The following ZNF33B variants were observed in gnomAD, a reference collection of about 807,000 sequenced individuals.
ZNF33B encodes the protein zinc finger protein 11b (KOX 2).
In ZNF33B, 29 loss-of-function variants were observed where a neutral mutation model predicts 45.8. The ratio of observed to expected loss-of-function variants is 0.63; its 90% CI spans 0.47 to 0.86. ZNF33B has a LOEUF of 0.86. ZNF33B is among the 40% of genes least tolerant of loss of function. The probability of loss-of-function intolerance (pLI) is 0.00; values close to 1 mark genes in which losing one functional copy is unlikely to be tolerated. For synonymous variants in ZNF33B, 305 were observed against 307.8 expected, an observed-to-expected ratio of 0.99 and a Z score of 0.10; for missense variants, 831 against 909.9, an observed-to-expected ratio of 0.91 and a Z score of 1.12.
intron 2 of ZNF33B, among the ~76,000 whole-genome samples, chr10:42,633,380 T>C (rs897447799): frequency 4.6e-5 from 7 of 152,188 alleles, no homozygotes; most frequent in African/African-American, 1.7e-4. Context: ...TGTGAGCATA[T>C]ACTGCAATTA....
intron 4 of ZNF33B, among the ~76,000 whole-genome samples, chr10:42,627,110 T>G (rs1838844501): frequency 6.6e-6 from 1 of 152,056 alleles, no homozygotes; most frequent in Non-Finnish European, 1.5e-5. Flanking sequence ...TTCAAGCCAT[T>G]CTCCTGCCTC....
intron 4 of ZNF33B, among the ~76,000 whole-genome samples, chr10:42,620,423 G>A (rs1464127250): frequency 6.6e-6 from 1 of 151,958 alleles, no homozygotes; most frequent in East Asian, 1.9e-4. Context: ...TTATTTTTTA[G>A]ACAGGGTCTT....
At chr10:42,583,119 G>A in intron 1 of ZNF33B, 1 of 780,572 alleles carries the variant, frequency 1.3e-6, no homozygotes. Flanking sequence ...GAACACCTCA[G>A]GGGCCTGGGA....
intron 1 of ZNF33B, among the ~76,000 whole-genome samples, chr10:42,577,263 G>A (rs1290370853): frequency 6.6e-6 from 1 of 151,504 alleles, no homozygotes; most frequent in Non-Finnish European, 1.5e-5. Context: ...CCCAAACCTC[G>A]ACCTCCCCTC....
intron 4 of ZNF33B, among the ~76,000 whole-genome samples, chr10:42,617,200 C>G (rs1838365274): frequency 1.5e-5 from 2 of 135,592 alleles, no homozygotes; most frequent in Non-Finnish European, 1.5e-5. Flanking sequence ...ACCTCCTGGG[C>G]TTAAGCGATC....
At chr10:42,631,001 G>A (rs908459770) in intron 4 of ZNF33B, among the ~76,000 whole-genome samples, 3 of 152,064 alleles carry the variant, frequency 2.0e-5, no homozygotes, top group African/African-American at 4.8e-5. Context: ...GCTGAAAAGA[G>A]GCAGAATCCT....
Position 42,583,756 on chromosome 10 carries a change from A to G in ZNF33B, c.74-9078T>C, listed in dbSNP as rs113412012. On this transcript the variant is annotated intron_variant, in intron 1 of 1. Coordinates refer to the ZNF33B transcript ENST00000462075. ...TTAACTCGTCCATATTTTGCAGACT[A>G]AATGTACAGACAGAATCACCGAGAT... Among the ~76,000 whole-genome samples, 1,302 of 152,234 alleles carry G rather than the reference A, an allele frequency of 8.6e-3. 14 individuals carry two copies. The highest frequency in any genetic ancestry group is 0.03 in the African/African-American group (1,226 of 41,522).
At chr10:42,621,740 C>T (rs1040486613) in intron 4 of ZNF33B, among the ~76,000 whole-genome samples, 1 of 152,140 alleles carries the variant, frequency 6.6e-6, no homozygotes, top group African/African-American at 2.4e-5. Context: ...AAATTCACAG[C>T]TTTACATCAT....
rs188230274 is a variant in ZNF33B at position 42,638,521 on chromosome 10, C to T, written c.-92G>A. On this transcript the variant is annotated 5_prime_UTR_variant, in exon 1 of 5. Coordinates refer to ENST00000359467, the MANE Select transcript of ZNF33B (RefSeq NM_006955.3). ...TTCGCCATAAGAGAGCCGGTAGACC[C>T]CTGAAATCCCGGGACCGCCTCCCAC... 3.1e-5 allele frequency: 15 copies of T among 483,874 alleles called. No individual in the cohort carries two copies. In the East Asian group the frequency reaches 8.5e-4, roughly 27 times the overall value. The allele number at this position is 483,874 out of a possible 1,614,324, so 30.0% of individuals were successfully genotyped here. A position where few individuals can be genotyped will look rare whatever the true frequency, so the allele number is the denominator to read the frequency against.
intron 4 of ZNF33B, among the ~76,000 whole-genome samples, chr10:42,623,954 A>C (rs1168813424): frequency 2.7e-5 from 4 of 147,228 alleles, no homozygotes; most frequent in Non-Finnish European, 4.4e-5. Context: ...TTCAGCTGCC[A>C]TAACAAAATA....
At chr10:42,588,327 G>A (rs1836978900), downstream of ZNF33B, among the ~76,000 whole-genome samples, 1 of 152,224 alleles carries the variant, frequency 6.6e-6, no homozygotes, top group African/African-American at 2.4e-5. Context: ...GTGCATTACA[G>A]CACAGGCCAA....
At chr10:42,638,265 C>G (rs554424996) in intron 1 of ZNF33B, among the ~76,000 whole-genome samples, 3 of 152,258 alleles carry the variant, frequency 2.0e-5, no homozygotes, top group Admixed American at 6.5e-5. Context: ...AACAGGGCAA[C>G]GCACAGGGCG....
At chr10:42,619,562 A>C (rs1838481953) in intron 4 of ZNF33B, among the ~76,000 whole-genome samples, 1 of 152,226 alleles carries the variant, frequency 6.6e-6, no homozygotes, top group Non-Finnish European at 1.5e-5. Context: ...GACTTCCAAT[A>C]AAGTTAACTA....
Position 42,594,117 on chromosome 10 carries a change from C to G in ZNF33B, c.833G>C (p.Ser278Thr), listed in dbSNP as rs760740274. The G allele has an allele frequency of 6.2e-7, 1 of 1,613,980 alleles. No individual in the cohort carries two copies. Among genetic ancestry groups the G allele is most frequent in the Non-Finnish European group, 8.5e-7 (1 of 1,179,954 alleles). Reference protein sequence around the residue: ...PPSKDSHYEFSDCEKFLCVKS... With the variant: ...PPSKDSHYEFTDCEKFLCVKS... ...CACACATAAGAACTTCTCACAATCA[C>G]TAAATTCATAGTGACTGTCCTTTGA... The change falls in exon 5 of 5, where the codon AGT becomes ACT. Residue 278 changes from serine to threonine, a missense_variant. Transcript: ENST00000359467.
chr10:42,617,128 A>G (rs1257788593), intron 4 of ZNF33B, among the ~76,000 whole-genome samples: 1 of 107,172 alleles, frequency 9.3e-6, no homozygotes, highest in Non-Finnish European at 1.8e-5. Flanking sequence ...TTTTGAGGCA[A>G]GGTCTCACTC....
Position 42,591,219 on chromosome 10 carries a change from A to G in ZNF33B, c.*1394T>C. 1.1e-6 allele frequency: 1 copy of G among 890,370 alleles called. No individual in the cohort carries two copies. The highest frequency in any genetic ancestry group is 1.3e-6 in the Non-Finnish European group (1 of 743,808). 55.2% of individuals were successfully genotyped at this position (890,370 alleles called of 1,614,324 possible). ...AAATGACAGTCCAACAGCCCTGGGC[A>G]GCAACTGGGCTGTATGTGTGGGCCT... On this transcript the variant is annotated 3_prime_UTR_variant, in exon 5 of 5. Transcript: ENST00000359467.
rs1287749510 is a variant in ZNF33B at position 42,625,178 on chromosome 10, C to A, written c.250+6751G>T. 7.9e-5 allele frequency among the ~76,000 whole-genome samples: 12 copies of A among 152,044 alleles called. No homozygotes were observed. The East Asian group carries it at 1.4e-3, about 17-fold the overall frequency. On this transcript the variant is annotated intron_variant, in intron 4 of 4. Transcript: ENST00000359467. ...TGTAGGTCAATTTGGAGAGAACTGG[C>A]CTACTTACAAAGTTGAGTTTCCCAA...
intron 4 of ZNF33B, among the ~76,000 whole-genome samples, chr10:42,625,985 T>C (rs978008127): frequency 6.6e-6 from 1 of 152,270 alleles, no homozygotes; most frequent in Non-Finnish European, 1.5e-5. Flanking sequence ...AGAAAACATT[T>C]CATCTTACCA....
intron 1 of ZNF33B, among the ~76,000 whole-genome samples, chr10:42,581,067 C>A (rs1459914841): frequency 6.6e-6 from 1 of 152,092 alleles, no homozygotes; most frequent in Non-Finnish European, 1.5e-5. Context: ...ATATCAAATG[C>A]TATAATCCTG....
Sources: gnomAD v4.1 joint callset for allele counts (sites outside exome capture counted in the v4.1 genomes callset) on GRCh38, gnomAD v4.1.1 for gene constraint, MANE v1.5 for transcripts, NCBI Gene and HGNC (gene_info 2026-07-23, HGNC 2026-07-21) for gene names.